The following RUNDC3B variants were observed in gnomAD, a reference collection of about 807,000 sequenced individuals.
RUNDC3B encodes RUN domain containing 3B, also known as RUN domain-containing protein 3B.
Under a neutral mutation model 58.4 loss-of-function variants are expected in RUNDC3B, and 33 were observed. The observed-to-expected ratio is 0.56, with a 90% CI of 0.43 to 0.75. The LOEUF (loss-of-function observed/expected upper bound fraction) is 0.75, where lower values mean the gene tolerates loss of function less well. Ranked by LOEUF, RUNDC3B falls within the 30% of genes least tolerant of loss-of-function variation. The pLI, the probability that RUNDC3B is intolerant of heterozygous loss-of-function variation, is 0.00. For synonymous variants in RUNDC3B, 193 were observed against 195.2 expected (o/e 0.99, Z 0.10); for missense variants, 501 against 535.7 (o/e 0.94, Z 0.64).
At chr7:87,798,424 T>C (rs1184904226) in intron 8 of RUNDC3B, among the ~76,000 whole-genome samples, 1 of 152,222 alleles carries the variant, frequency 6.6e-6, no homozygotes, top group African/African-American at 2.4e-5. Flanking sequence ...ATAGTAGAAA[T>C]GTTTTTATTG....
At chr7:87,641,130 TAATA>T (rs1470513820) in intron 1 of RUNDC3B, among the ~76,000 whole-genome samples, 1 of 152,228 alleles carries the variant, frequency 6.6e-6, no homozygotes, top group African/African-American at 2.4e-5. Flanking sequence ...GTTATTTCTT[TAATA>T]CTTTTGTTGT....
intron 2 of RUNDC3B, among the ~76,000 whole-genome samples, chr7:87,678,086 T>C (rs1280888467): frequency 1.3e-5 from 2 of 152,160 alleles, no homozygotes; most frequent in African/African-American, 2.4e-5. Context: ...AGAAGAAAAC[T>C]TGGAACTTCA....
At chr7:87,807,230 C>T in intron 8 of RUNDC3B, 143 bp from the exon 9 acceptor site, 1 of 634,246 alleles carries the variant, frequency 1.6e-6, no homozygotes, top group Non-Finnish European at 2.7e-6. Flanking sequence ...TTGTCCCAAC[C>T]ATCCTTGCTG....
chr7:87,651,453 A>G (rs966422295), intron 2 of RUNDC3B, among the ~76,000 whole-genome samples: 1 of 152,106 alleles, frequency 6.6e-6, no homozygotes, highest in Admixed American at 6.6e-5. Flanking sequence ...TGGAAGCTAT[A>G]CTCTCTGAAT....
chr7:87,661,587 A>C (rs1824721390), intron 2 of RUNDC3B, among the ~76,000 whole-genome samples: 1 of 151,994 alleles, frequency 6.6e-6, no homozygotes, highest in African/African-American at 2.4e-5. Flanking sequence ...GTGTTTTTGC[A>C]AATGATAGGA....
At chr7:87,819,491 T>C (rs1236639248) in intron 10 of RUNDC3B, among the ~76,000 whole-genome samples, 1 of 151,562 alleles carries the variant, frequency 6.6e-6, no homozygotes, top group Non-Finnish European at 1.5e-5. Flanking sequence ...GACAGAAAGT[T>C]AACAAGGATA....
rs1827321502 is a variant in RUNDC3B at position 87,685,058 on chromosome 7, G to T, written c.239-15363G>T. Among the ~76,000 whole-genome samples the T allele has an allele frequency of 2.0e-5, 3 of 151,990 alleles. No individual in the cohort carries two copies. The South Asian group carries it at 6.2e-4, about 32-fold the overall frequency. On this transcript the variant is annotated intron_variant, in intron 2 of 10. Transcript: ENST00000394654. ...ACAGATTTTAGATATAACAACAAAA[G>T]TACAATCCATTAAACAAAAAAAATT...
chr7:87,793,308 TA>T (rs993782228), intron 8 of RUNDC3B, among the ~76,000 whole-genome samples: 3 of 151,936 alleles, frequency 2.0e-5, no homozygotes, highest in Non-Finnish European at 2.9e-5. Context: ...ACTAAAAATA[TA>T]GAGGAGGAAT....
At chr7:87,716,756 A>G (rs1344664863) in intron 4 of RUNDC3B, among the ~76,000 whole-genome samples, 2 of 152,230 alleles carry the variant, frequency 1.3e-5, no homozygotes, top group East Asian at 1.9e-4. Flanking sequence ...TTACAGCTGT[A>G]CATGATTAGT....
chr7:87,755,182 C>T (rs900235893), intron 6 of RUNDC3B, among the ~76,000 whole-genome samples: 1 of 151,994 alleles, frequency 6.6e-6, no homozygotes, highest in African/African-American at 2.4e-5. Context: ...ACCACCACAC[C>T]TGGCTAATTT....
At chr7:87,652,674 T>C (rs997988540) in intron 2 of RUNDC3B, among the ~76,000 whole-genome samples, 1 of 144,808 alleles carries the variant, frequency 6.9e-6, no homozygotes, top group African/African-American at 2.7e-5. Flanking sequence ...ATCTGTAACT[T>C]TTGAGATGAG....
chr7:87,697,924 G>A (rs574371997), intron 2 of RUNDC3B, among the ~76,000 whole-genome samples: 22 of 152,026 alleles, frequency 1.4e-4, no homozygotes, highest in Admixed American at 3.3e-4. Context: ...CCCTCCAAAC[G>A]GCTAACAAAT....
At position 87,807,378 on chromosome 7, in the gene RUNDC3B, T is replaced by G; in HGVS notation, c.962T>G (p.Val321Gly). Reference protein sequence around the residue: ...IIVELQDQLTVLKNNDLRSRQ... With the variant: ...IIVELQDQLTGLKNNDLRSRQ... ...CACCATCTTAATATTCACAGGACTG[T>G]GCTAAAGAATAATGATTTAAGATCG... The change falls in exon 9 of 11, where the codon GTG becomes GGG. Residue 321 changes from valine to glycine, a missense_variant. Coordinates refer to ENST00000394654, the MANE Select transcript of RUNDC3B (RefSeq NM_001134405.2). The G allele has an allele frequency of 6.2e-7, 1 of 1,613,644 alleles. No individual in the cohort carries two copies. Among genetic ancestry groups the G allele is most frequent in the Non-Finnish European group, 8.5e-7 (1 of 1,179,652 alleles).
Position 87,642,611 on chromosome 7 carries a change from CTTAT to C in RUNDC3B, c.123-8195_123-8192del, listed in dbSNP as rs551567939. Among the ~76,000 whole-genome samples the C allele has an allele frequency of 7.5e-4, 114 of 151,604 alleles. 2 individuals are homozygous for C. Among genetic ancestry groups the C allele is most frequent in the African/African-American group, 1.8e-3 (75 of 41,394 alleles). ...GATGAATCTTTTTGGAAAGTTTTGC[CTTAT>C]TTATTTATTTATTTAACATATATAT... On this transcript the variant is annotated intron_variant, in intron 1 of 10. Transcript: ENST00000394654.
At chr7:87,643,903 G>T (rs535150808) in intron 1 of RUNDC3B, among the ~76,000 whole-genome samples, 3 of 151,874 alleles carry the variant, frequency 2.0e-5, no homozygotes, top group Non-Finnish European at 2.9e-5. Flanking sequence ...CTTTCACCCA[G>T]GCTGGAGTGC....
At chr7:87,678,662 T>C (rs1279085288) in intron 2 of RUNDC3B, among the ~76,000 whole-genome samples, 1 of 151,856 alleles carries the variant, frequency 6.6e-6, no homozygotes, top group Non-Finnish European at 1.5e-5. Flanking sequence ...TTTGACTGGG[T>C]AAAAAAAGGA....
At chr7:87,773,663 T>C (rs912227984) in intron 7 of RUNDC3B, among the ~76,000 whole-genome samples, 2 of 134,240 alleles carry the variant, frequency 1.5e-5, no homozygotes, top group African/African-American at 2.7e-5. Context: ...CTTGTCTTGT[T>C]TTGTTTTGTT....
intron 2 of RUNDC3B, among the ~76,000 whole-genome samples, chr7:87,671,590 C>T (rs1361707179): frequency 2.6e-5 from 4 of 152,194 alleles, no homozygotes; most frequent in African/African-American, 9.6e-5. Flanking sequence ...GCCTGTCCCT[C>T]TCTCTGGGAG....
chr7:87,757,421 G>T, intron 6 of RUNDC3B, among the ~76,000 whole-genome samples: 1 of 151,942 alleles, frequency 6.6e-6, no homozygotes, highest in African/African-American at 2.4e-5. Flanking sequence ...AACAAGGAAA[G>T]CAATTCCATT....
Sources: gnomAD v4.1 joint callset for allele counts (sites outside exome capture counted in the v4.1 genomes callset) on GRCh38, gnomAD v4.1.1 for gene constraint, MANE v1.5 for transcripts, NCBI Gene and HGNC (gene_info 2026-07-23, HGNC 2026-07-21) for gene names.